The following NKTR variants were observed in gnomAD, a reference collection of about 807,000 sequenced individuals.
NKTR encodes the protein NK-tumor recognition protein.
NKTR carries 67 observed loss-of-function variants against 156.3 expected under a neutral mutation model. The observed-to-expected ratio is 0.43, with a 90% CI of 0.35 to 0.53. The LOEUF is 0.53. Among genes scored for constraint, NKTR ranks in the 20% least tolerant of loss-of-function variants. NKTR has a pLI of 0.01. For synonymous variants in NKTR, 640 were observed against 596.6 expected (o/e 1.07, Z -1.06); for missense variants, 1,604 against 1,730.9 (o/e 0.93, Z 1.30).
In NKTR at chr3:42,638,212, TAAAC is replaced by T. The variant is rs1709587514; in HGVS notation, c.2511_2514del (p.Gln838LysfsTer23). 4 of 1,612,340 alleles carry T rather than the reference TAAAC, an allele frequency of 2.5e-6. No homozygotes were observed. Among genetic ancestry groups the T allele is most frequent in the African/African-American group, 1.3e-5 (1 of 74,494 alleles). The stretch of plus-strand genomic sequence containing the variant: ...AGGGCCAAATGGAAAGAACACATAA[TAAAC>T]AAGAAAAAAACAGAGGTGAAGAAAA... On this transcript the variant is annotated frameshift_variant, in exon 13 of 17. Transcript: ENST00000232978. LOFTEE classifies it high-confidence loss of function.
At chr3:42,604,353 T>TC (rs1268043789) in intron 2 of NKTR, among the ~76,000 whole-genome samples, 1 of 151,904 alleles carries the variant, frequency 6.6e-6, no homozygotes, top group Non-Finnish European at 1.5e-5. Flanking sequence ...TTCTTAATGT[T>TC]GAAGCATAGA....
At chr3:42,643,035 T>C (rs1224430860) in intron 14 of NKTR, among the ~76,000 whole-genome samples, 1 of 152,226 alleles carries the variant, frequency 6.6e-6, no homozygotes, top group African/African-American at 2.4e-5. Flanking sequence ...TATTTTCTAC[T>C]GCTGTCACTT....
At chr3:42,609,859 TATC>T (rs1221467228) in intron 2 of NKTR, among the ~76,000 whole-genome samples, 2 of 152,222 alleles carry the variant, frequency 1.3e-5, no homozygotes, top group African/African-American at 2.4e-5. Flanking sequence ...ATAATATAAA[TATC>T]AACAACTTCA....
At chr3:42,641,144 T>C (rs1709851642) in intron 13 of NKTR, among the ~76,000 whole-genome samples, 1 of 152,206 alleles carries the variant, frequency 6.6e-6, no homozygotes, top group South Asian at 2.1e-4. Flanking sequence ...CTCCCTGTTT[T>C]GGTTACCTGC....
intron 6 of NKTR, 150 bp downstream of exon 6, chr3:42,621,666 C>A: frequency 1.3e-6 from 1 of 779,318 alleles, no homozygotes; most frequent in African/African-American, 1.8e-5. Flanking sequence ...CTTATAAGGT[C>A]TAACAACTGC....
intron 6 of NKTR, among the ~76,000 whole-genome samples, chr3:42,625,299 C>G (rs1397290001): frequency 6.6e-6 from 1 of 152,116 alleles, no homozygotes; most frequent in Non-Finnish European, 1.5e-5. Context: ...CAGTTCCTGT[C>G]ACTGGCCACT....
intron 2 of NKTR, among the ~76,000 whole-genome samples, chr3:42,612,539 A>T (rs1275439722): frequency 6.6e-6 from 1 of 152,226 alleles, no homozygotes; most frequent in Non-Finnish European, 1.5e-5. Context: ...AACCATAATT[A>T]TAGTGATTTA....
In NKTR at chr3:42,622,787, CTT is replaced by C. The variant is rs527719107; in HGVS notation, c.374+1272_374+1273del. ...TTTCAGAAAGCCTTTTTAATAGTAA[CTT>C]AATGTAAAAATTGTTTATCCTTTGG... On this transcript the variant is annotated intron_variant, in intron 6 of 16. Coordinates refer to ENST00000232978, the MANE Select transcript of NKTR (RefSeq NM_005385.4). 6.2e-4 allele frequency among the ~76,000 whole-genome samples: 94 copies of C among 152,100 alleles called. 2 individuals carry two copies. In the South Asian group the frequency reaches 7.7e-3, roughly 12 times the overall value.
At chr3:42,643,262 A>G in intron 14 of NKTR, 77 bp from the exon 15 acceptor site, 1 of 1,155,296 alleles carries the variant, frequency 8.7e-7, no homozygotes. Context: ...TGATGGGCAA[A>G]TAAATGTCTA....
chr3:42,629,634 A>G, intron 6 of NKTR: 1 of 978,092 alleles, frequency 1.0e-6, no homozygotes, highest in Non-Finnish European at 1.2e-6. Context: ...TAGCTCTTAA[A>G]TATCTGTTTC....
chr3:42,627,764 G>A, intron 6 of NKTR: 5 of 982,884 alleles, frequency 5.1e-6, no homozygotes, highest in East Asian at 1.1e-4. Flanking sequence ...TTCTTTTTTA[G>A]GTATGTTTTC....
At chr3:42,629,627 C>A (rs919643795) in intron 6 of NKTR, 29 of 976,734 alleles carry the variant, frequency 3.0e-5, no homozygotes, top group Middle Eastern at 1.1e-3. Flanking sequence ...TGTTTTCTAG[C>A]TCTTAAATAT....
At chr3:42,630,646 G>A in intron 7 of NKTR, 71 bp downstream of exon 7, 1 of 1,605,750 alleles carries the variant, frequency 6.2e-7, no homozygotes, top group Non-Finnish European at 8.5e-7. Context: ...TTGGACCATG[G>A]TTGAGCCCTC....
intron 2 of NKTR, among the ~76,000 whole-genome samples, chr3:42,612,092 C>T (rs951234197): frequency 5.9e-5 from 9 of 152,202 alleles, no homozygotes; most frequent in Non-Finnish European, 1.0e-4. Context: ...CAGAGCGAGA[C>T]TCTGTCTCTT....
At chr3:42,640,120 A>T (rs1559592898) in intron 13 of NKTR, among the ~76,000 whole-genome samples, 1 of 152,216 alleles carries the variant, frequency 6.6e-6, no homozygotes, top group Non-Finnish European at 1.5e-5. Flanking sequence ...CATTAATCTA[A>T]CCTTCCATTT....
rs200715696 is a variant in NKTR at position 42,633,720 on chromosome 3, C to T, written c.914C>T (p.Thr305Ile). ...CTGAGAAGAGATATGCCTGTTGTTACTGCAGAACCTGAACCGTAAGTAGGA... is the reference window on the plus strand; with the variant it reads ...CTGAGAAGAGATATGCCTGTTGTTATTGCAGAACCTGAACCGTAAGTAGGA... ...FLLRRDMPVVTAEPEPKIPDV... is the reference protein window; with the variant it reads ...FLLRRDMPVVIAEPEPKIPDV... Residue 305 changes from threonine to isoleucine, a missense_variant, in exon 10 of 17, where the codon ACT becomes ATT. Physicochemically the swap from Thr to Ile is moderately conservative, Grantham distance 89 (BLOSUM62 -1). Transcript: ENST00000232978. 3 of 1,614,006 alleles carry T rather than the reference C, an allele frequency of 1.9e-6. No individual in the cohort carries two copies. The East Asian group carries it at 6.7e-5, about 36-fold the overall frequency.
At chr3:42,602,541 A>G (rs1421489455) in intron 2 of NKTR, 2 of 152,156 alleles carry the variant, frequency 1.3e-5, no homozygotes, top group South Asian at 2.1e-4. Flanking sequence ...GTAGGAAGAT[A>G]TTAAAGGGTT....
At chr3:42,642,465 C>T (rs751936397) in intron 13 of NKTR, 36 bp from the exon 14 acceptor site, 2 of 1,471,352 alleles carry the variant, frequency 1.4e-6, no homozygotes, top group East Asian at 2.3e-5. Flanking sequence ...GATGAGTCAA[C>T]ATAATTATAT....
chr3:42,621,782 A>G (rs1299173716), intron 6 of NKTR, among the ~76,000 whole-genome samples: 1 of 151,992 alleles, frequency 6.6e-6, no homozygotes, highest in African/African-American at 2.4e-5. Context: ...AGATGACGGC[A>G]TATTTAAGCC....
Sources: gnomAD v4.1 joint callset for allele counts (sites outside exome capture counted in the v4.1 genomes callset) on GRCh38, gnomAD v4.1.1 for gene constraint, MANE v1.5 for transcripts, NCBI Gene and HGNC (gene_info 2026-07-23, HGNC 2026-07-21) for gene names.